LRP1B: variants seen among roughly 807,000 people sequenced by gnomAD.
LRP1B encodes the protein LDL receptor related protein 1B.
A neutral mutation model predicts 556.6 loss-of-function variants in LRP1B; 217 were observed. The ratio of observed to expected loss-of-function variants is 0.39; its 90% CI spans 0.35 to 0.44. The LOEUF (loss-of-function observed/expected upper bound fraction) is 0.44, where lower values mean the gene tolerates loss of function less well. Among genes scored for constraint, LRP1B ranks in the 20% least tolerant of loss-of-function variants. The pLI is 1.00. For missense variants in LRP1B, 5,053 were observed against 5,620.8 expected (o/e 0.90, Z 3.23); for synonymous variants, 2,047 against 1,865.8 (o/e 1.10, Z -2.50).
chr2:140,685,985 G>A (rs571262136), intron 41 of LRP1B, among the ~76,000 whole-genome samples: 11 of 152,094 alleles, frequency 7.2e-5, no homozygotes, highest in Non-Finnish European at 1.3e-4. Flanking sequence ...GGGCTGCAGC[G>A]CAAAAAAGAC....
intron 3 of LRP1B, among the ~76,000 whole-genome samples, chr2:141,432,847 G>A (rs913434933): frequency 1.3e-5 from 2 of 151,120 alleles, no homozygotes; most frequent in African/African-American, 4.9e-5. Flanking sequence ...TCAAACTTCC[G>A]ATTTCATGTA....
At chr2:141,030,663 T>C (rs1442960937) in intron 11 of LRP1B, among the ~76,000 whole-genome samples, 1 of 152,050 alleles carries the variant, frequency 6.6e-6, no homozygotes, top group African/African-American at 2.4e-5. Context: ...ATATTTTATA[T>C]GGTTATCAGA....
chr2:140,427,139 G>T (rs1685695240), intron 66 of LRP1B, among the ~76,000 whole-genome samples: 1 of 152,156 alleles, frequency 6.6e-6, no homozygotes, highest in South Asian at 2.1e-4. Flanking sequence ...CACGGACTCG[G>T]GAAGGCAGCC....
In LRP1B at chr2:140,716,060, A is replaced by C. The variant is rs2105461747; in HGVS notation, c.5936T>G (p.Val1979Gly). ...WTDHGFNLIE[V>G]ARLNGSFRYV... ...ACGGAAAGAACCATTGAGTCTTGCA[A>C]CTTCAATTAAGTTGAAACCATGATC... The change falls in exon 37 of 91, where the codon GTT (valine) becomes GGT (glycine). Residue 1979 changes from valine (V) to glycine (G), a missense_variant. Physicochemically the swap from Val to Gly is moderately radical, Grantham distance 109. Around this residue, in one of 5 missense-constraint regions of LRP1B, gnomAD observed 3,619 missense variants for 3,931.9 expected, o/e 0.92. Coordinates refer to ENST00000389484, the MANE Select transcript of LRP1B (RefSeq NM_018557.3). 1 of 1,608,322 alleles carries C rather than the reference A, an allele frequency of 6.2e-7. No individual in the cohort carries two copies. The highest frequency in any genetic ancestry group is 8.5e-7 in the Non-Finnish European group (1 of 1,175,392).
At chr2:141,211,280 G>A (rs1341479761) in intron 6 of LRP1B, among the ~76,000 whole-genome samples, 6 of 149,906 alleles carry the variant, frequency 4.0e-5, no homozygotes, top group South Asian at 4.3e-4. Flanking sequence ...GAGACACCAT[G>A]CCCAGCCCAT....
At chr2:140,886,876 A>G (rs77741683) in intron 23 of LRP1B, among the ~76,000 whole-genome samples, 5,982 of 152,204 alleles carry the variant, frequency 0.039, 187 homozygotes, top group South Asian at 0.098. Flanking sequence ...AATCATAACT[A>G]TATCATTCCT....
chr2:140,806,783 A>G (rs1690732602), intron 32 of LRP1B, among the ~76,000 whole-genome samples: 1 of 152,190 alleles, frequency 6.6e-6, no homozygotes, highest in South Asian at 2.1e-4. Context: ...CCCCACTAAA[A>G]AAGTACAAAA....
chr2:140,581,212 T>C (rs958104305), intron 43 of LRP1B, among the ~76,000 whole-genome samples: 1 of 152,242 alleles, frequency 6.6e-6, no homozygotes, highest in Non-Finnish European at 1.5e-5. Flanking sequence ...AAAATGACTT[T>C]AGACACTTTA....
At chr2:141,636,520 G>A (rs1336752700) in intron 2 of LRP1B, among the ~76,000 whole-genome samples, 1 of 152,132 alleles carries the variant, frequency 6.6e-6, no homozygotes, top group Non-Finnish European at 1.5e-5. Context: ...GGAAGATAAT[G>A]TGCAATATGT....
intron 43 of LRP1B, among the ~76,000 whole-genome samples, chr2:140,573,374 C>A (rs879730398): frequency 2.6e-5 from 4 of 151,740 alleles, no homozygotes; most frequent in Admixed American, 2.6e-4. Context: ...TTCATTATAA[C>A]TAAAAGAATT....
At chr2:141,993,935 T>G (rs1702415117) in intron 1 of LRP1B, among the ~76,000 whole-genome samples, 1 of 152,124 alleles carries the variant, frequency 6.6e-6, no homozygotes, top group Admixed American at 6.5e-5. Context: ...TTTGTCCTCA[T>G]CTTCTACCTT....
At chr2:141,966,003 C>A (rs1701555780) in intron 1 of LRP1B, among the ~76,000 whole-genome samples, 1 of 151,646 alleles carries the variant, frequency 6.6e-6, no homozygotes, top group Admixed American at 6.6e-5. Flanking sequence ...ACCTTTCTTA[C>A]CTAAGGCTGG....
At chr2:140,899,836 A>G (rs983599206) in intron 23 of LRP1B, among the ~76,000 whole-genome samples, 2 of 152,308 alleles carry the variant, frequency 1.3e-5, no homozygotes, top group East Asian at 3.9e-4. Context: ...TATAAGATAA[A>G]AGTCATTTTA....
chr2:140,611,522 G>A (rs58797878), intron 41 of LRP1B, among the ~76,000 whole-genome samples: 34,645 of 151,914 alleles, frequency 0.23, 4,245 homozygotes, highest in Admixed American at 0.3. Flanking sequence ...ACAGAAAAAG[G>A]CTATTCCAGA....
At position 140,351,026 on chromosome 2, in the gene LRP1B, T is replaced by C. The variant is rs762835504; in HGVS notation, c.11663A>G (p.Gln3888Arg). The part of the protein sequence containing the change: ...NTCIAEGSED[Q>R]VLYIANDTDI... ...AGTGTCATTAGCAATGTAGAGAACT[T>C]GATCTTCAGAGCCTGGAGATTATTA... is the stretch of plus-strand genomic sequence containing the variant. Residue 3888 changes from glutamine (Q) to arginine (R), a missense_variant, in exon 77 of 91, where the codon CAA becomes CGA. Transcript: ENST00000389484. The C allele has an allele frequency of 1.3e-6, 2 of 1,578,038 alleles. No homozygotes were observed. Among genetic ancestry groups the C allele is most frequent in the Middle Eastern group, 3.4e-4 (2 of 5,864 alleles).
intron 1 of LRP1B, among the ~76,000 whole-genome samples, chr2:141,871,109 A>G (rs968697298): frequency 8.6e-5 from 13 of 151,880 alleles, no homozygotes; most frequent in Non-Finnish European, 1.9e-4. Context: ...AACAATTTAA[A>G]TCCTAACAAA....
Position 141,306,222 on chromosome 2 carries a change from A to G in LRP1B, c.344-51581T>C, listed in dbSNP as rs146011075. ...TTAGAATAGTTTGAGGAAAATTGGT[A>G]CTCATTCTTCTTTATATGTCTGGCA... On this transcript the variant is annotated intron_variant, in intron 3 of 90. Coordinates refer to ENST00000389484, the MANE Select transcript of LRP1B (RefSeq NM_018557.3). Among the ~76,000 whole-genome samples the G allele has an allele frequency of 3.4e-4, 51 of 152,162 alleles. No homozygotes were observed. In the East Asian group the frequency reaches 9.7e-3, roughly 29 times the overall value.
intron 2 of LRP1B, among the ~76,000 whole-genome samples, chr2:141,797,814 T>C (rs1323416599): frequency 6.6e-6 from 1 of 152,202 alleles, no homozygotes; most frequent in Non-Finnish European, 1.5e-5. Flanking sequence ...CGGCATATTA[T>C]TGGGAAAATA....
chr2:141,191,406 AGTAACATGC>A (rs1312031894), intron 6 of LRP1B, among the ~76,000 whole-genome samples: 15 of 151,944 alleles, frequency 9.9e-5, no homozygotes. Context: ...ATACTTCCTC[AGTAACATGC>A]TGCTTCTATT....
Sources: allele counts gnomAD v4.1 joint callset (sites outside exome capture counted in the v4.1 genomes callset), GRCh38; gene constraint gnomAD v4.1.1; regional missense constraint gnomAD v4.1.1; transcripts MANE v1.5; gene names NCBI Gene and HGNC (gene_info 2026-07-23, HGNC 2026-07-21).